Variants in VPS50 observed in about 807,000 individuals in gnomAD.
The protein encoded by VPS50 is VPS50 subunit of EARP/GARPII complex.
A neutral mutation model predicts 139.7 loss-of-function variants in VPS50; 70 were observed. That is an observed-to-expected ratio of 0.50 (90% CI 0.41 to 0.61). The LOEUF (loss-of-function observed/expected upper bound fraction) is 0.61, where lower values mean the gene tolerates loss of function less well. Among genes scored for constraint, VPS50 ranks in the 20% least tolerant of loss-of-function variants. The pLI is 0.00. For synonymous variants in VPS50, 365 were observed against 376.7 expected (o/e 0.97, Z 0.36); for missense variants, 921 against 1,133.7 (o/e 0.81, Z 2.69).
chr7:93,248,405 C>G (rs1450196689), intron 2 of VPS50, among the ~76,000 whole-genome samples: 1 of 151,960 alleles, frequency 6.6e-6, no homozygotes, highest in Non-Finnish European at 1.5e-5. Flanking sequence ...GAATCAGTTT[C>G]TATTAAATTA....
chr7:93,346,126 A>G (rs1274137511), intron 23 of VPS50, among the ~76,000 whole-genome samples: 1 of 152,260 alleles, frequency 6.6e-6, no homozygotes, highest in Non-Finnish European at 1.5e-5. Flanking sequence ...CAACTTCAGC[A>G]AAATCTCAGG....
chr7:93,348,933 T>G, intron 24 of VPS50, 126 bp downstream of exon 24: 1 of 626,036 alleles, frequency 1.6e-6, no homozygotes. Context: ...CCAGATAAAA[T>G]ATTCATTTAT....
At chr7:93,268,322 AT>A (rs372411308) in intron 9 of VPS50, among the ~76,000 whole-genome samples, 57 of 149,808 alleles carry the variant, frequency 3.8e-4, no homozygotes, top group South Asian at 1.3e-3. Flanking sequence ...TTAGGAAGCT[AT>A]TTTTTTTTTC....
At chr7:93,334,486 T>C (rs1015451570) in intron 22 of VPS50, among the ~76,000 whole-genome samples, 2 of 152,176 alleles carry the variant, frequency 1.3e-5, no homozygotes, top group Admixed American at 6.5e-5. Flanking sequence ...GTAACACTTG[T>C]GCTAGGCTTC....
rs375763558 is a variant in VPS50 at position 93,318,882 on chromosome 7, C to A, written c.1856-4729C>A. On this transcript the variant is annotated intron_variant, in intron 20 of 27. Transcript: ENST00000305866. ...TAGGAGTTTCAATTTAAAATAATTT[C>A]TTTGAAAATGTGTAAGTTTAATAGA... 3.9e-5 allele frequency among the ~76,000 whole-genome samples: 6 copies of A among 152,016 alleles called. No homozygotes were observed. The South Asian group carries it at 8.3e-4, about 21-fold the overall frequency.
At chr7:93,346,470 G>A (rs1798397623) in intron 23 of VPS50, among the ~76,000 whole-genome samples, 1 of 152,110 alleles carries the variant, frequency 6.6e-6, no homozygotes, top group Non-Finnish European at 1.5e-5. Context: ...ATTGGAAAAA[G>A]CTACTTTAAA....
At chr7:93,237,391 T>G (rs779343300) in intron 1 of VPS50, among the ~76,000 whole-genome samples, 1 of 152,222 alleles carries the variant, frequency 6.6e-6, no homozygotes, top group Non-Finnish European at 1.5e-5. Flanking sequence ...ATTGCTATAA[T>G]CACTTCACTC....
At chr7:93,323,760 T>C in intron 21 of VPS50, 28 bp downstream of exon 21, 1 of 1,279,092 alleles carries the variant, frequency 7.8e-7, no homozygotes, top group East Asian at 2.8e-5. Flanking sequence ...GGGAAAAAAA[T>C]CTTTCTTTTA....
intron 11 of VPS50, among the ~76,000 whole-genome samples, chr7:93,275,496 T>G (rs1335069013): frequency 6.6e-6 from 1 of 152,178 alleles, no homozygotes; most frequent in African/African-American, 2.4e-5. Flanking sequence ...ATCGACTCAC[T>G]GAAGGCCCAG....
intron 18 of VPS50, among the ~76,000 whole-genome samples, chr7:93,308,277 G>A (rs949600688): frequency 6.6e-6 from 1 of 151,832 alleles, no homozygotes; most frequent in Non-Finnish European, 1.5e-5. Context: ...TGTCTCAAGA[G>A]TAAATCCACC....
At chr7:93,259,461 G>T in intron 8 of VPS50, 89 bp from the exon 9 acceptor site, 3 of 624,000 alleles carry the variant, frequency 4.8e-6, no homozygotes, top group East Asian at 2.7e-5. Flanking sequence ...TGTAACTTTT[G>T]GTTAGAATAT....
intron 12 of VPS50, among the ~76,000 whole-genome samples, chr7:93,290,732 T>C (rs1205734663): frequency 6.6e-6 from 1 of 152,052 alleles, no homozygotes; most frequent in East Asian, 1.9e-4. Context: ...TAGTAAATCA[T>C]GTAAGCTAGT....
At chr7:93,265,113 G>A (rs1479334169) in intron 9 of VPS50, among the ~76,000 whole-genome samples, 1 of 151,994 alleles carries the variant, frequency 6.6e-6, no homozygotes, top group Non-Finnish European at 1.5e-5. Flanking sequence ...AATCCCTGGA[G>A]TAAACCACTT....
At chr7:93,240,249 ACTCTC>A (rs1266517488) in intron 2 of VPS50, among the ~76,000 whole-genome samples, 138 of 109,378 alleles carry the variant, frequency 1.3e-3, no homozygotes, top group African/African-American at 5.3e-3. Context: ...ACACACACAC[ACTCTC>A]TCTCTCTCTC....
intron 21 of VPS50, among the ~76,000 whole-genome samples, chr7:93,327,333 C>A (rs1355348679): frequency 6.6e-6 from 1 of 152,026 alleles, no homozygotes; most frequent in Non-Finnish European, 1.5e-5. Flanking sequence ...TCATATGGGA[C>A]AGAACAGTTC....
chr7:93,252,651 A>G lies in VPS50; in HGVS notation c.103-2A>G. On this transcript the variant is annotated splice_acceptor_variant, in intron 2 of 27. Coordinates refer to ENST00000305866, the MANE Select transcript of VPS50 (RefSeq NM_017667.4). LOFTEE classifies it high-confidence loss of function. The stretch of plus-strand genomic sequence containing the variant: ...TATAATTGTGATTTTTTTTTCTTAA[A>G]GGAAGAATTCAGGGAACTTCGAGAA... 1.9e-6 allele frequency: 3 copies of G among 1,584,550 alleles called. No homozygotes were observed. The highest frequency in any genetic ancestry group is 2.6e-6 in the Non-Finnish European group (3 of 1,162,792).
rs1798817155 is a variant in VPS50 at position 93,361,008 on chromosome 7, G to A, written c.*2572G>A. 1.3e-5 allele frequency: 2 copies of A among 151,768 alleles called. No homozygotes were observed. The highest frequency in any genetic ancestry group is 4.1e-4 in the South Asian group (2 of 4,830). The allele number at this position is 151,768 out of a possible 1,614,324, so 9.4% of individuals were successfully genotyped here. On this transcript the variant is annotated 3_prime_UTR_variant, in exon 28 of 28. Transcript: ENST00000305866. The stretch of plus-strand genomic sequence containing the variant: ...TTTCTATTTAGCTGAGTGCTAAAGT[G>A]AAACTTTGTTAGATTAAATAGCTTT...
At chr7:93,316,515 A>G (rs1797433135) in intron 20 of VPS50, among the ~76,000 whole-genome samples, 1 of 152,214 alleles carries the variant, frequency 6.6e-6, no homozygotes, top group Admixed American at 6.5e-5. Flanking sequence ...CCATTGTAAT[A>G]TAGAGAAGAA....
intron 13 of VPS50, 114 bp downstream of exon 13, chr7:93,291,949 G>T: frequency 1.6e-6 from 1 of 635,290 alleles, no homozygotes. Flanking sequence ...AGATTACAGT[G>T]ACCATAGGCT....
Sources: gnomAD v4.1 joint callset for allele counts (sites outside exome capture counted in the v4.1 genomes callset) on GRCh38, gnomAD v4.1.1 for gene constraint, MANE v1.5 for transcripts, NCBI Gene and HGNC (gene_info 2026-07-23, HGNC 2026-07-21) for gene names.